FRMPD4: variants seen among roughly 807,000 people sequenced by gnomAD.
The protein encoded by FRMPD4 is FERM and PDZ domain containing 4.
In FRMPD4, 22 loss-of-function variants were observed where a neutral mutation model predicts 94.1. That is an observed-to-expected ratio of 0.23 (90% CI 0.17 to 0.33). The LOEUF (loss-of-function observed/expected upper bound fraction) is 0.33, where lower values mean the gene tolerates loss of function less well. Among genes scored for constraint, FRMPD4 ranks in the 10% least tolerant of loss-of-function variants. FRMPD4 has a pLI of 1.00. For synonymous variants in FRMPD4, 631 were observed against 548.6 expected, an observed-to-expected ratio of 1.15 and a Z score of -2.10; for missense variants, 1,111 against 1,339.9, an observed-to-expected ratio of 0.83 and a Z score of 2.67.
intron 3 of FRMPD4, among the ~76,000 whole-genome samples, chrX:12,053,402 GAAAGAA>G (rs1374539552): frequency 1.1e-5 from 1 of 91,190 alleles, no homozygotes; most frequent in Non-Finnish European, 2.2e-5. Flanking sequence ...AAGAAAGAAA[GAAAGAA>G]AGAAAGAAAG....
intron 3 of FRMPD4, among the ~76,000 whole-genome samples, chrX:11,908,514 G>A (rs1011614072): frequency 8.9e-6 from 1 of 111,902 alleles, no homozygotes; most frequent in Non-Finnish European, 1.9e-5. Context: ...TTTGACTGGC[G>A]ACACTTGTGG....
At chrX:12,196,459 C>T (rs2056568224) in intron 1 of FRMPD4, among the ~76,000 whole-genome samples, 1 of 110,457 alleles carries the variant, frequency 9.1e-6, no homozygotes, top group African/African-American at 3.3e-5. Context: ...TTACCCACCA[C>T]ACCTGGGCCA....
intron 3 of FRMPD4, among the ~76,000 whole-genome samples, chrX:12,104,512 A>T (rs776851920): frequency 8.9e-6 from 1 of 112,735 alleles, no homozygotes; most frequent in African/African-American, 3.2e-5. Context: ...TTCTATCATT[A>T]TATAATGTAT....
intron 3 of FRMPD4, among the ~76,000 whole-genome samples, chrX:12,079,156 C>T (rs1035970073): frequency 1.8e-5 from 2 of 110,805 alleles, no homozygotes; most frequent in African/African-American, 3.3e-5. Context: ...TCTGTATGCT[C>T]AGGTCACCTC....
At chrX:12,291,657 A>G (rs1291254120) in intron 1 of FRMPD4, among the ~76,000 whole-genome samples, 1 of 111,884 alleles carries the variant, frequency 8.9e-6, no homozygotes, top group African/African-American at 3.2e-5. Context: ...CAGTGGTAGC[A>G]GAGTTCACCC....
intron 2 of FRMPD4, among the ~76,000 whole-genome samples, chrX:12,545,084 C>G (rs1420242026): frequency 1.8e-5 from 2 of 111,600 alleles, no homozygotes; most frequent in Non-Finnish European, 3.8e-5. Flanking sequence ...ACCTGGCTGT[C>G]TAGCCTGTCA....
intron 14 of FRMPD4, among the ~76,000 whole-genome samples, chrX:12,711,609 T>A (rs2041987113): frequency 9.0e-6 from 1 of 111,263 alleles, no homozygotes; most frequent in South Asian, 3.8e-4. Flanking sequence ...ATGTCACTGA[T>A]GGACAGATGC....
intron 2 of FRMPD4, among the ~76,000 whole-genome samples, chrX:12,587,765 T>C (rs1026493145): frequency 9.0e-6 from 1 of 111,521 alleles, no homozygotes; most frequent in African/African-American, 3.3e-5. Context: ...TAAACGATCA[T>C]GTACAATTTT....
intron 1 of FRMPD4, among the ~76,000 whole-genome samples, chrX:12,410,307 A>T (rs1463610510): frequency 8.9e-6 from 1 of 111,759 alleles, no homozygotes; most frequent in East Asian, 2.8e-4. Context: ...TTTTACACAC[A>T]TTCATTTCAA....
chrX:12,677,747 G>A (rs1019097945), intron 5 of FRMPD4, among the ~76,000 whole-genome samples: 1 of 111,985 alleles, frequency 8.9e-6, no homozygotes, highest in South Asian at 3.7e-4. Context: ...CATGTGCCCA[G>A]GGTACCTCAA....
intron 3 of FRMPD4, among the ~76,000 whole-genome samples, chrX:12,073,307 A>G (rs1476044802): frequency 1.8e-5 from 2 of 111,762 alleles, no homozygotes; most frequent in Non-Finnish European, 3.8e-5. Context: ...TTCAGGCTGG[A>G]ATGGCCTCTG....
intron 1 of FRMPD4, among the ~76,000 whole-genome samples, chrX:12,391,027 T>C (rs1267207078): frequency 2.7e-5 from 3 of 112,275 alleles, no homozygotes; most frequent in African/African-American, 9.7e-5. Context: ...CTTTAAAAGA[T>C]GTACAATCCA....
At chrX:12,468,647 T>C (rs1480448609) in intron 1 of FRMPD4, among the ~76,000 whole-genome samples, 1 of 111,818 alleles carries the variant, frequency 8.9e-6, no homozygotes, top group Non-Finnish European at 1.9e-5. Flanking sequence ...ATTTGAGGTT[T>C]ACAAGCAACA....
chrX:12,519,434 G>A (rs1035519424), intron 2 of FRMPD4, among the ~76,000 whole-genome samples: 1 of 111,997 alleles, frequency 8.9e-6, no homozygotes, highest in African/African-American at 3.2e-5. Flanking sequence ...CTGCCAAACT[G>A]AAAAACTCTT....
At chrX:12,422,835 T>G (rs1217579801) in intron 1 of FRMPD4, among the ~76,000 whole-genome samples, 1 of 112,291 alleles carries the variant, frequency 8.9e-6, no homozygotes, top group Non-Finnish European at 1.9e-5. Flanking sequence ...CACACAGGTT[T>G]TTTTTGGTTC....
At chrX:11,954,420 T>C (rs964500902) in intron 3 of FRMPD4, among the ~76,000 whole-genome samples, 1 of 112,088 alleles carries the variant, frequency 8.9e-6, no homozygotes, top group South Asian at 3.7e-4. Context: ...TGAGGAGTCA[T>C]GAATTACACA....
chrX:11,926,665 G>A (rs1318373982), intron 3 of FRMPD4, among the ~76,000 whole-genome samples: 1 of 111,642 alleles, frequency 9.0e-6, no homozygotes, highest in Admixed American at 9.5e-5. Context: ...ACCACATGAT[G>A]ATCTCAATAC....
intron 2 of FRMPD4, among the ~76,000 whole-genome samples, chrX:12,538,360 TCAAGGAG>T (rs2058364859): frequency 4.4e-5 from 1 of 22,554 alleles, no homozygotes; most frequent in Non-Finnish European, 1.7e-4. Context: ...CCACCACGGC[TCAAGGAG>T]GCCTGCCTGC....
intron 1 of FRMPD4, among the ~76,000 whole-genome samples, chrX:12,347,146 T>C (rs1160858199): frequency 8.9e-6 from 1 of 112,353 alleles, no homozygotes; most frequent in Non-Finnish European, 1.9e-5. Context: ...TATATGTCTT[T>C]AATATTTTAT....
Sources: allele counts gnomAD v4.1 joint callset (sites outside exome capture counted in the v4.1 genomes callset), GRCh38; gene constraint gnomAD v4.1.1; transcripts MANE v1.5; gene names NCBI Gene and HGNC (gene_info 2026-07-23, HGNC 2026-07-21).